The following GK5 variants were observed in gnomAD, a reference collection of about 807,000 sequenced individuals.
GK5 encodes ATP:glycerol 3-phosphotransferase 5.
GK5 carries 39 observed loss-of-function variants against 77.3 expected under a neutral mutation model. The ratio of observed to expected loss-of-function variants is 0.50; its 90% CI spans 0.39 to 0.66. The LOEUF is 0.66. Ranked by LOEUF, GK5 falls within the 30% of genes least tolerant of loss-of-function variation. The pLI is 0.00. For missense variants in GK5, 487 were observed against 633.8 expected, an observed-to-expected ratio of 0.77 and a Z score of 2.49; for synonymous variants, 211 against 208.0, an observed-to-expected ratio of 1.01 and a Z score of -0.13.
At chr3:142,175,073 T>C (rs1262466945) in intron 12 of GK5, among the ~76,000 whole-genome samples, 2 of 152,218 alleles carry the variant, frequency 1.3e-5, no homozygotes, top group Admixed American at 6.5e-5. Context: ...AGAACTGCTG[T>C]CAGTTGCTGA....
chr3:142,215,773 T>A (rs570914015), intron 1 of GK5, 81 bp from the exon 2 acceptor site: 2 of 625,494 alleles, frequency 3.2e-6, no homozygotes, highest in Non-Finnish European at 5.7e-6. Context: ...AAACTACTGG[T>A]TAAAATAATT....
chr3:142,176,987 A>C (rs1255065635), intron 12 of GK5, among the ~76,000 whole-genome samples: 6 of 152,198 alleles, frequency 3.9e-5, no homozygotes, highest in Non-Finnish European at 8.8e-5. Context: ...AAAAAAGTTT[A>C]AAACTTACAA....
At chr3:142,216,620 G>T (rs1197530128) in intron 1 of GK5, among the ~76,000 whole-genome samples, 1 of 152,030 alleles carries the variant, frequency 6.6e-6, no homozygotes, top group Non-Finnish European at 1.5e-5. Context: ...TTTGGCCGGG[G>T]ACCACCAGGG....
rs1261540800 is a variant in GK5 at position 142,159,772 on chromosome 3, C to CA, written c.*5849dup. 4 of 151,454 alleles carry CA rather than the reference C, an allele frequency of 2.6e-5. No homozygotes were observed. The highest frequency in any genetic ancestry group is 9.7e-5 in the African/African-American group (4 of 41,162). The allele number at this position is 151,454 out of a possible 1,614,324, so 9.4% of individuals were successfully genotyped here. On this transcript the variant is annotated 3_prime_UTR_variant, in exon 16 of 16. Transcript: ENST00000392993. ...ACCAGAAGACCTGGCTTTGGGTTTACAATAAGACGATTCTGGGACCAAGTA... is the reference window on the plus strand; with the variant it reads ...ACCAGAAGACCTGGCTTTGGGTTTACAAATAAGACGATTCTGGGACCAAGTA...
chr3:142,192,553 C>T (rs961385615), intron 5 of GK5, among the ~76,000 whole-genome samples: 2 of 152,018 alleles, frequency 1.3e-5, no homozygotes, highest in African/African-American at 4.8e-5. Flanking sequence ...CACTTAAGGT[C>T]GGGAGGTCGA....
Position 142,158,744 on chromosome 3 carries a change from T to C in GK5, c.*6878A>G, listed in dbSNP as rs2063401423. Reference sequence around the variant, plus strand: ...TAATAACTTATTAACAAAATCATTCTGAAACCTTTACACAAATCAGCCTGC... The same window carrying C: ...TAATAACTTATTAACAAAATCATTCCGAAACCTTTACACAAATCAGCCTGC... On this transcript the variant is annotated 3_prime_UTR_variant, in exon 16 of 16. Transcript: ENST00000392993. 6.6e-6 allele frequency: 1 copy of C among 152,610 alleles called. No individual in the cohort carries two copies. The highest frequency in any genetic ancestry group is 2.1e-4 in the South Asian group (1 of 4,834). 9.5% of individuals were successfully genotyped at this position (152,610 alleles called of 1,614,324 possible). A position where few individuals can be genotyped will look rare whatever the true frequency, so the allele number is the denominator to read the frequency against.
At chr3:142,222,496 C>T (rs1285742662) in intron 1 of GK5, among the ~76,000 whole-genome samples, 5 of 151,540 alleles carry the variant, frequency 3.3e-5, no homozygotes, top group Non-Finnish European at 5.9e-5. Context: ...AGCCGGGAGG[C>T]GGAGCTTGCA....
chr3:142,210,501 T>C (rs1372133430), intron 3 of GK5, among the ~76,000 whole-genome samples: 1 of 152,098 alleles, frequency 6.6e-6, no homozygotes, highest in African/African-American at 2.4e-5. Flanking sequence ...CAGAATAGGC[T>C]CCGCTCCATT....
intron 5 of GK5, among the ~76,000 whole-genome samples, chr3:142,197,037 A>T (rs181350379): frequency 2.6e-5 from 4 of 152,116 alleles, no homozygotes; most frequent in Non-Finnish European, 5.9e-5. Flanking sequence ...CATACAAAAA[A>T]TTAGCCAGGT....
rs781764444 is a variant in GK5, at chr3:142,205,362, T to C, written c.318-574A>G. On this transcript the variant is annotated intron_variant, in intron 3 of 15. Coordinates refer to ENST00000392993, the MANE Select transcript of GK5 (RefSeq NM_001039547.3). ...CTCCCGCAAATCAACCTCTGGCATCTACTAATCAACATCCAAGTCAAGTTT... is the reference window on the plus strand; with the variant it reads ...CTCCCGCAAATCAACCTCTGGCATCCACTAATCAACATCCAAGTCAAGTTT... Among the ~76,000 whole-genome samples, 8 of 152,366 alleles carry C rather than the reference T, an allele frequency of 5.3e-5. No homozygotes were observed. In the East Asian group the frequency reaches 9.6e-4, roughly 18 times the overall value.
chr3:142,198,773 T>C (rs1360558859), intron 5 of GK5, 29 bp downstream of exon 5: 1 of 1,581,666 alleles, frequency 6.3e-7, no homozygotes, highest in South Asian at 1.2e-5. Context: ...TACACACATA[T>C]TTTCCACATA....
At chr3:142,171,964 G>T (rs1185064724) in intron 13 of GK5, among the ~76,000 whole-genome samples, 1 of 152,054 alleles carries the variant, frequency 6.6e-6, no homozygotes, top group African/African-American at 2.4e-5. Context: ...AGATTACAGG[G>T]AAATATGCAG....
intron 12 of GK5, among the ~76,000 whole-genome samples, chr3:142,172,672 C>T (rs1272839968): frequency 6.6e-6 from 1 of 152,158 alleles, no homozygotes; most frequent in African/African-American, 2.4e-5. Flanking sequence ...CTTCTGTTTG[C>T]ATTTATGTCA....
intron 4 of GK5, among the ~76,000 whole-genome samples, chr3:142,202,669 T>C (rs1256745673): frequency 1.3e-5 from 2 of 152,162 alleles, no homozygotes; most frequent in African/African-American, 4.8e-5. Context: ...TGATTGGAAA[T>C]TTGAGGCTTA....
At chr3:142,212,824 A>ATTTTCTTTTTTC (rs2064207212) in intron 3 of GK5, among the ~76,000 whole-genome samples, 1 of 129,942 alleles carries the variant, frequency 7.7e-6, no homozygotes, top group South Asian at 2.3e-4. Context: ...ATAGACAAAT[A>ATTTTCTTTTTTC]TTTTCTTTTT....
At chr3:142,203,690 C>T (rs965414222) in intron 4 of GK5, among the ~76,000 whole-genome samples, 38 of 152,276 alleles carry the variant, frequency 2.5e-4, no homozygotes, top group Admixed American at 8.5e-4. Flanking sequence ...AGGAGAATCA[C>T]GTGAACCCAG....
rs1045066880 is a variant in GK5, at chr3:142,162,634, A to ATTTG, written c.*2987_*2988insCAAA. ...TAGATCTATAATGGGAAAATAAAAC[A>ATTTG]TGCTGAGAAGTAGCACAAATTTTTC... On this transcript the variant is annotated 3_prime_UTR_variant, in exon 16 of 16. Transcript: ENST00000392993. 1 of 152,214 alleles carries ATTTG rather than the reference A, an allele frequency of 6.6e-6. No homozygotes were observed. Among genetic ancestry groups the ATTTG allele is most frequent in the African/African-American group, 2.4e-5 (1 of 41,464 alleles). 9.4% of individuals were successfully genotyped at this position (152,214 alleles called of 1,614,324 possible).
intron 1 of GK5, among the ~76,000 whole-genome samples, chr3:142,218,559 AT>A (rs2064304244): frequency 6.6e-6 from 1 of 150,916 alleles, no homozygotes; most frequent in African/African-American, 2.4e-5. Context: ...AAAAAAAAAA[AT>A]CAACCTCAAC....
Position 142,160,678 on chromosome 3 carries a change from C to G in GK5, c.*4944G>C. On this transcript the variant is annotated 3_prime_UTR_variant, in exon 16 of 16. Coordinates refer to ENST00000392993, the MANE Select transcript of GK5 (RefSeq NM_001039547.3). ...TCTATGTGTATTTACAGACATGTGT[C>G]TCTACACAAATAGTTTTTCAAATAT... is the stretch of plus-strand genomic sequence containing the variant. 6.6e-6 allele frequency: 1 copy of G among 152,272 alleles called. No homozygotes were observed. The highest frequency in any genetic ancestry group is 3.4e-3 in the Middle Eastern group (1 of 294). The allele number at this position is 152,272 out of a possible 1,614,324, so 9.4% of individuals were successfully genotyped here.
Sources: allele counts gnomAD v4.1 joint callset (sites outside exome capture counted in the v4.1 genomes callset), GRCh38; gene constraint gnomAD v4.1.1; transcripts MANE v1.5; gene names NCBI Gene and HGNC (gene_info 2026-07-23, HGNC 2026-07-21).